PRIM2: variants seen among roughly 807,000 people sequenced by gnomAD.
PRIM2 encodes DNA primase subunit 2.
Under a neutral mutation model 67.3 loss-of-function variants are expected in PRIM2, and 39 were observed. That is an observed-to-expected ratio of 0.58 (90% CI 0.45 to 0.76). The LOEUF (loss-of-function observed/expected upper bound fraction) is 0.76. Among genes scored for constraint, PRIM2 ranks in the 30% least tolerant of loss-of-function variants. The pLI, the probability that PRIM2 is intolerant of heterozygous loss-of-function variation, is 0.00. For synonymous variants in PRIM2, 143 were observed against 198.7 expected (o/e 0.72, Z 2.36); for missense variants, 398 against 598.7 (o/e 0.66, Z 3.50).
At chr6:57,256,191 A>C in the PRIM2 span, among the ~76,000 whole-genome samples, 10,687 of 152,258 alleles carry the variant, frequency 0.07, 440 homozygotes, top group Non-Finnish European at 0.1. Flanking sequence ...CAAAAATAAA[A>C]TATTACTTGG....
intron 5 of PRIM2, among the ~76,000 whole-genome samples, chr6:57,347,938 G>A (rs1378249404): frequency 6.6e-6 from 1 of 152,168 alleles, no homozygotes; most frequent in African/African-American, 2.4e-5. Context: ...GACATTTAAG[G>A]TGACAGGGCC....
At chr6:57,253,019 G>A in the PRIM2 span, among the ~76,000 whole-genome samples, 2 of 152,148 alleles carry the variant, frequency 1.3e-5, no homozygotes, top group African/African-American at 2.4e-5. Flanking sequence ...AAGAGGATGA[G>A]GTTCCCCATG....
chr6:57,620,254 A>T (rs1776827649), intron 12 of PRIM2, among the ~76,000 whole-genome samples: 1 of 152,212 alleles, frequency 6.6e-6, no homozygotes, highest in Admixed American at 6.5e-5. Context: ...GCCTAGGCAC[A>T]TTGTCATCAG....
intron 7 of PRIM2, among the ~76,000 whole-genome samples, chr6:57,451,836 G>T (rs1407681997): frequency 6.7e-6 from 1 of 150,326 alleles, no homozygotes; most frequent in Admixed American, 6.6e-5. Context: ...CTATGTGCAG[G>T]TTAATTACCT....
At chr6:57,396,754 G>GT (rs1770528612) in intron 7 of PRIM2, among the ~76,000 whole-genome samples, 1 of 151,980 alleles carries the variant, frequency 6.6e-6, no homozygotes, top group African/African-American at 2.4e-5. Context: ...TTTTTGTTTT[G>GT]TAGGTCTTGT....
intron 12 of PRIM2, among the ~76,000 whole-genome samples, chr6:57,612,561 A>G (rs1414052006): frequency 6.6e-6 from 1 of 152,156 alleles, no homozygotes; most frequent in Admixed American, 6.5e-5. Flanking sequence ...GGAGCAGGAG[A>G]GGTGTTATAA....
intron 10 of PRIM2, among the ~76,000 whole-genome samples, chr6:57,558,639 C>A (rs1399088171): frequency 6.8e-6 from 1 of 147,890 alleles, no homozygotes; most frequent in Non-Finnish European, 1.5e-5. Context: ...TTATTGCTGT[C>A]TTCTGATCTT....
At chr6:57,374,455 G>A (rs1769683783) in intron 5 of PRIM2, among the ~76,000 whole-genome samples, 3 of 150,400 alleles carry the variant, frequency 2.0e-5, no homozygotes, top group South Asian at 2.1e-4. Context: ...CACCATGCCC[G>A]GCTAATTTTT....
chr6:57,347,407 C>T (rs1245104526), intron 5 of PRIM2, among the ~76,000 whole-genome samples: 14 of 152,134 alleles, frequency 9.2e-5, no homozygotes, highest in African/African-American at 3.1e-4. Context: ...TTGTTAAGTG[C>T]CAGGCACTTT....
chr6:57,638,542 G>A (rs1777163435), intron 13 of PRIM2, among the ~76,000 whole-genome samples: 1 of 142,822 alleles, frequency 7.0e-6, no homozygotes, highest in Non-Finnish European at 1.5e-5. Flanking sequence ...TCAAAATAAA[G>A]GGATGGAGGA....
At chr6:57,282,712 CAA>C in the PRIM2 span, among the ~76,000 whole-genome samples, 2 of 152,172 alleles carry the variant, frequency 1.3e-5, no homozygotes, top group African/African-American at 4.8e-5. Flanking sequence ...TGTGAAGACA[CAA>C]GAGAGAAGAC....
At chr6:57,311,947 G>A (rs1041895930), upstream of PRIM2, among the ~76,000 whole-genome samples, 1 of 148,184 alleles carries the variant, frequency 6.7e-6, no homozygotes, top group African/African-American at 2.5e-5. Flanking sequence ...AGGCAGGGAG[G>A]TTGCAGCGAG....
chr6:57,596,072 G>T (rs1356800492), intron 10 of PRIM2, among the ~76,000 whole-genome samples: 1 of 152,004 alleles, frequency 6.6e-6, no homozygotes, highest in Non-Finnish European at 1.5e-5. Flanking sequence ...GTTAGAAACT[G>T]GGGCCACAGA....
intron 10 of PRIM2, among the ~76,000 whole-genome samples, chr6:57,562,660 T>C (rs1310883526): frequency 6.6e-6 from 1 of 152,228 alleles, no homozygotes; most frequent in Non-Finnish European, 1.5e-5. Flanking sequence ...TGCTTAAAAC[T>C]AAGCTGTTGG....
At chr6:57,577,414 G>A (rs1220992457) in intron 10 of PRIM2, among the ~76,000 whole-genome samples, 3 of 150,076 alleles carry the variant, frequency 2.0e-5, no homozygotes, top group African/African-American at 4.9e-5. Context: ...CTTTTCCATT[G>A]CCTGGTATAT....
At chr6:57,275,086 C>T in the PRIM2 span, among the ~76,000 whole-genome samples, 1 of 152,006 alleles carries the variant, frequency 6.6e-6, no homozygotes, top group African/African-American at 2.4e-5. Flanking sequence ...CACATTTATA[C>T]ATGTGATGTC....
intron 5 of PRIM2, among the ~76,000 whole-genome samples, chr6:57,340,194 A>C (rs1032358859): frequency 2.6e-5 from 4 of 152,220 alleles, no homozygotes; most frequent in Non-Finnish European, 5.9e-5. Flanking sequence ...GTCATTAAAA[A>C]ATCAGGAAAC....
chr6:57,416,370 G>A (rs142544870), intron 7 of PRIM2, among the ~76,000 whole-genome samples: 4 of 152,038 alleles, frequency 2.6e-5, no homozygotes, highest in Admixed American at 6.6e-5. Flanking sequence ...TGCTGTAAAC[G>A]CATGTGCTAT....
intron 7 of PRIM2, among the ~76,000 whole-genome samples, chr6:57,500,084 T>G (rs1221316744): frequency 6.6e-6 from 1 of 152,240 alleles, no homozygotes; most frequent in Non-Finnish European, 1.5e-5. Context: ...TAGAGCTGTC[T>G]ACCTATCTGC....
Sources: allele counts gnomAD v4.1 joint callset (sites outside exome capture counted in the v4.1 genomes callset), GRCh38; gene constraint gnomAD v4.1.1; transcripts MANE v1.5; gene names NCBI Gene and HGNC (gene_info 2026-07-23, HGNC 2026-07-21).